The following DNAJC3 variants were observed in gnomAD, a reference collection of about 807,000 sequenced individuals.
DNAJC3 encodes DnaJ heat shock protein family (Hsp40) member C3.
Under a neutral mutation model 68.6 loss-of-function variants are expected in DNAJC3, and 38 were observed. The ratio of observed to expected loss-of-function variants is 0.55; its 90% confidence interval spans 0.43 to 0.73. DNAJC3 has a LOEUF of 0.73. Ranked by LOEUF, DNAJC3 falls within the 30% of genes least tolerant of loss-of-function variation. The pLI is 0.00. For synonymous variants in DNAJC3, 203 were observed against 204.0 expected (o/e 1.00, Z 0.04); for missense variants, 526 against 591.9 (o/e 0.89, Z 1.16).
chr13:95,677,530 C>A (rs1879791977), intron 1 of DNAJC3, among the ~76,000 whole-genome samples, 193 bp downstream of exon 1: 1 of 152,142 alleles, frequency 6.6e-6, no homozygotes. Flanking sequence ...AGGGGACTGG[C>A]GGGCCGCGGG....
At chr13:95,709,607 A>G (rs1023546018) in intron 2 of DNAJC3, among the ~76,000 whole-genome samples, 1 of 148,882 alleles carries the variant, frequency 6.7e-6, no homozygotes, top group African/African-American at 2.5e-5. Flanking sequence ...AGCTTTTCTC[A>G]GTGTATTATT....
At chr13:95,737,180 CATGGTGGAG>C (rs1304753401) in intron 4 of DNAJC3, among the ~76,000 whole-genome samples, 138 of 151,282 alleles carry the variant, frequency 9.1e-4, no homozygotes, top group African/African-American at 3.2e-3. Context: ...CCCACTTGAT[CATGGTGGAG>C]AAGCTTTTTG....
chr13:95,689,987 T>C (rs543726049), intron 1 of DNAJC3, among the ~76,000 whole-genome samples: 121 of 152,254 alleles, frequency 7.9e-4, no homozygotes, highest in African/African-American at 2.8e-3. Context: ...TTTTTTTCTT[T>C]TTCTTTTTCT....
intron 9 of DNAJC3, among the ~76,000 whole-genome samples, chr13:95,769,404 G>T (rs1267138702): frequency 6.6e-6 from 1 of 152,156 alleles, no homozygotes; most frequent in South Asian, 2.1e-4. Flanking sequence ...GGTCTTTGTT[G>T]GAAGATGCTG....
At chr13:95,749,562 A>C (rs921100147) in intron 4 of DNAJC3, among the ~76,000 whole-genome samples, 4 of 152,162 alleles carry the variant, frequency 2.6e-5, no homozygotes, top group Admixed American at 2.6e-4. Context: ...GAAGAGATTG[A>C]TGGGGAGGGA....
At chr13:95,703,693 AAG>A (rs1365549769) in intron 1 of DNAJC3, among the ~76,000 whole-genome samples, 2 of 152,228 alleles carry the variant, frequency 1.3e-5, no homozygotes, top group African/African-American at 2.4e-5. Context: ...TATATAATCA[AAG>A]AGAAAATATG....
At chr13:95,692,376 G>T (rs1880296234) in intron 1 of DNAJC3, among the ~76,000 whole-genome samples, 1 of 152,020 alleles carries the variant, frequency 6.6e-6, no homozygotes, top group African/African-American at 2.4e-5. Flanking sequence ...TGGGGGGGTT[G>T]GCGTCCCTTC....
At chr13:95,785,884 A>C in intron 9 of DNAJC3, 55 bp from the exon 10 acceptor site, 1 of 1,485,874 alleles carries the variant, frequency 6.7e-7, no homozygotes, top group Admixed American at 2.3e-5. Context: ...AGGATAAGAA[A>C]AGGCAATAAA....
chr13:95,788,153 A>C (rs991258439), intron 11 of DNAJC3, among the ~76,000 whole-genome samples: 18 of 152,352 alleles, frequency 1.2e-4, no homozygotes, highest in African/African-American at 4.1e-4. Flanking sequence ...TTCGTTTTCA[A>C]GTAATTTATA....
At chr13:95,738,752 A>G (rs1481360161) in intron 4 of DNAJC3, among the ~76,000 whole-genome samples, 2 of 152,138 alleles carry the variant, frequency 1.3e-5, no homozygotes, top group East Asian at 3.8e-4. Flanking sequence ...AATACAGCAC[A>G]CTGATGGGTC....
rs183295934 is a variant in DNAJC3 at position 95,733,150 on chromosome 13, T to C, written c.393+7898T>C. ...GTTCTGTGAATGTCTGTTAAGTCTG[T>C]TTGGTCTAAAGTTCAGTTATAGCCA... On this transcript the variant is annotated intron_variant, in intron 4 of 11. Transcript: ENST00000602402. 3.3e-5 allele frequency among the ~76,000 whole-genome samples: 5 copies of C among 152,306 alleles called. No individual in the cohort carries two copies. The East Asian group carries it at 9.7e-4, about 29-fold the overall frequency.
intron 4 of DNAJC3, among the ~76,000 whole-genome samples, chr13:95,733,278 A>G (rs1334573086): frequency 1.3e-5 from 2 of 152,066 alleles, no homozygotes; most frequent in Admixed American, 6.6e-5. Context: ...TTCCTTTTAT[A>G]TCTAATAATA....
chr13:95,789,188 T>C (rs752661653), intron 11 of DNAJC3, among the ~76,000 whole-genome samples: 26 of 152,156 alleles, frequency 1.7e-4, no homozygotes, highest in Non-Finnish European at 3.5e-4. Flanking sequence ...CAGGGGTACA[T>C]GTGCAGGTTT....
intron 9 of DNAJC3, among the ~76,000 whole-genome samples, chr13:95,785,605 T>C (rs560616158): frequency 2.0e-5 from 3 of 151,132 alleles, no homozygotes; most frequent in African/African-American, 7.3e-5. Context: ...ACTACAGGCG[T>C]GCACCACCAT....
At chr13:95,692,613 T>C (rs1880303829) in intron 1 of DNAJC3, 1 of 152,198 alleles carries the variant, frequency 6.6e-6, no homozygotes, top group African/African-American at 2.4e-5. Flanking sequence ...GCTCATCTGC[T>C]TCTATCCCCT....
At chr13:95,757,127 T>G (rs1269280411) in intron 4 of DNAJC3, among the ~76,000 whole-genome samples, 1 of 152,228 alleles carries the variant, frequency 6.6e-6, no homozygotes, top group Non-Finnish European at 1.5e-5. Flanking sequence ...TCCTTCTAAA[T>G]TCTTTCTTGT....
intron 1 of DNAJC3, among the ~76,000 whole-genome samples, chr13:95,690,634 C>G (rs1430557191): frequency 6.2e-5 from 9 of 145,756 alleles, no homozygotes; most frequent in African/African-American, 2.4e-4. Context: ...CCACCTCCCT[C>G]CCGGACGGGG....
In DNAJC3 at chr13:95,682,869, A is replaced by G. The variant is rs150568442; in HGVS notation, c.82+5532A>G. Among the ~76,000 whole-genome samples, 105 of 152,376 alleles carry G rather than the reference A, an allele frequency of 6.9e-4. No homozygotes were observed. The East Asian group carries it at 0.014, about 20-fold the overall frequency. ...ATTTTAGATTTTATTCTGATGAATT[A>G]TAATACGTTTAAGTAAAAAGGCAAA... On this transcript the variant is annotated intron_variant, in intron 1 of 11. Coordinates refer to ENST00000602402, the MANE Select transcript of DNAJC3 (RefSeq NM_006260.5).
Position 95,677,741 on chromosome 13 carries a change from G to A in DNAJC3, c.82+404G>A, listed in dbSNP as rs562038153. ...GTGCTGGCTGGGAGGAGGCACTAAG[G>A]TGGCCAAAAGACTTCCTTCGCTCTG... On this transcript the variant is annotated intron_variant, in intron 1 of 11. Coordinates refer to ENST00000602402, the MANE Select transcript of DNAJC3 (RefSeq NM_006260.5). Among the ~76,000 whole-genome samples, 49 of 152,362 alleles carry A rather than the reference G, an allele frequency of 3.2e-4. No individual in the cohort carries two copies. In the East Asian group the frequency reaches 3.7e-3, roughly 11 times the overall value.
Sources: allele counts gnomAD v4.1 joint callset (sites outside exome capture counted in the v4.1 genomes callset), GRCh38; gene constraint gnomAD v4.1.1; transcripts MANE v1.5; gene names NCBI Gene and HGNC (gene_info 2026-07-23, HGNC 2026-07-21).